Variants in MRGPRX3 observed in about 807,000 individuals in gnomAD.
MRGPRX3 encodes the protein MAS related GPR family member X3.
MRGPRX3 carries 14 observed loss-of-function variants against 16.5 expected under a neutral mutation model. The observed-to-expected ratio is 0.85, with a 90% CI of 0.56 to 1.33. The LOEUF (loss-of-function observed/expected upper bound fraction) is 1.33. MRGPRX3 is among the 40% of genes most tolerant of loss of function. MRGPRX3 has a pLI of 0.00. For synonymous variants in MRGPRX3, 199 were observed against 180.1 expected (o/e 1.10, Z -0.84); for missense variants, 449 against 413.0 (o/e 1.09, Z -0.76).
In MRGPRX3 at chr11:18,137,459, G is replaced by GC. The variant is rs1482636121; in HGVS notation, c.259dup (p.Leu87ProfsTer76). On this transcript the variant is annotated frameshift_variant, in exon 2 of 2. Coordinates refer to ENST00000621697, the MANE Select transcript of MRGPRX3 (RefSeq NM_001370464.1). LOFTEE classifies it high-confidence loss of function. ...GGCCACATTATATGTTCGCCGTTACGCCTCATCAATATCCGCCATCCCATC... is the reference window on the plus strand; with the variant it reads ...GGCCACATTATATGTTCGCCGTTACGCCCTCATCAATATCCGCCATCCCATC... The GC allele has an allele frequency of 1.2e-6, 2 of 1,614,126 alleles. No homozygotes were observed. The highest frequency in any genetic ancestry group is 1.7e-5 in the Admixed American group (1 of 60,020).
chr11:18,135,473 A>C (rs750280625), intron 1 of MRGPRX3, among the ~76,000 whole-genome samples: 1 of 152,144 alleles, frequency 6.6e-6, no homozygotes, highest in African/African-American at 2.4e-5. Context: ...ATGCTCCTCT[A>C]TACTCCCAGA....
chr11:18,125,010 T>A (rs1332365832), intron 1 of MRGPRX3, among the ~76,000 whole-genome samples: 1 of 152,246 alleles, frequency 6.6e-6, no homozygotes, highest in Non-Finnish European at 1.5e-5. Context: ...TGGTAGTTTG[T>A]ATTTCTGTGG....
Position 18,137,446 on chromosome 11 carries a change from T to C in MRGPRX3, c.244T>C (p.Cys82Arg), listed in dbSNP as rs12291017. 0.17 allele frequency: 281,091 copies of C among 1,614,012 alleles called. 29,863 individuals carry two copies. The highest frequency in any genetic ancestry group is 0.5 in the African/African-American group (37,239 of 74,940). Residue 82 changes from cysteine to arginine, a missense_variant, in exon 2 of 2, where the codon TGT (cysteine) becomes CGT (arginine). Cys to Arg is a radical substitution (Grantham distance 180). Coordinates refer to ENST00000621697, the MANE Select transcript of MRGPRX3 (RefSeq NM_001370464.1). ...CCTCTTCCTTAGCGGCCACATTATA[T>C]GTTCGCCGTTACGCCTCATCAATAT... The part of the protein sequence containing the change: ...DFLFLSGHII[C>R]SPLRLINIRH...
chr11:18,131,899 C>T (rs1163534777), upstream of MRGPRX3, among the ~76,000 whole-genome samples: 1 of 151,808 alleles, frequency 6.6e-6, no homozygotes, highest in African/African-American at 2.4e-5. Context: ...ACTCTGGGGA[C>T]TTGAGGGGAA....
chr11:18,128,528 TA>T, upstream of MRGPRX3, among the ~76,000 whole-genome samples: 2 of 152,198 alleles, frequency 1.3e-5, no homozygotes, highest in African/African-American at 2.4e-5. Context: ...GATCTCAGAC[TA>T]CTGTGCTAGC....
chr11:18,125,296 G>A (rs919984453), intron 1 of MRGPRX3, among the ~76,000 whole-genome samples: 4 of 152,034 alleles, frequency 2.6e-5, no homozygotes, highest in African/African-American at 9.7e-5. Flanking sequence ...GTCAATTTTA[G>A]ATCTTTCCTG....
In MRGPRX3 at chr11:18,138,312, A is replaced by T; in HGVS notation, c.*141A>T. 7.4e-7 allele frequency: 1 copy of T among 1,352,070 alleles called. No homozygotes were observed. Among genetic ancestry groups the T allele is most frequent in the Non-Finnish European group, 1.0e-6 (1 of 997,952 alleles). The allele number at this position is 1,352,070 out of a possible 1,614,324, so 83.8% of individuals were successfully genotyped here. A position where few individuals can be genotyped will look rare whatever the true frequency, so the allele number is the denominator to read the frequency against. On this transcript the variant is annotated 3_prime_UTR_variant, in exon 2 of 2. Coordinates refer to ENST00000621697, the MANE Select transcript of MRGPRX3 (RefSeq NM_001370464.1). Reference sequence around the variant, plus strand: ...AAGGTCTTCGAATAGATGTTTATCTAACCTGACAGTTGCAGTTTTCACCCA... The same window carrying T: ...AAGGTCTTCGAATAGATGTTTATCTTACCTGACAGTTGCAGTTTTCACCCA...
At chr11:18,133,631 C>T (rs909164904) in intron 1 of MRGPRX3, among the ~76,000 whole-genome samples, 1 of 152,164 alleles carries the variant, frequency 6.6e-6, no homozygotes, top group Non-Finnish European at 1.5e-5. Flanking sequence ...TGAGACGCCT[C>T]GCTCCCCCTT....
upstream of MRGPRX3, among the ~76,000 whole-genome samples, chr11:18,131,874 A>G (rs1848963335): frequency 6.6e-6 from 1 of 152,132 alleles, no homozygotes; most frequent in African/African-American, 2.4e-5. Context: ...ACGAAGGCAT[A>G]GAATGATATA....
intron 1 of MRGPRX3, among the ~76,000 whole-genome samples, chr11:18,123,902 A>G (rs976315234): frequency 2.0e-5 from 3 of 152,162 alleles, no homozygotes; most frequent in African/African-American, 7.2e-5. Context: ...GAGGTCCCTC[A>G]CATCCCTTGT....
intron 1 of MRGPRX3, among the ~76,000 whole-genome samples, chr11:18,126,420 G>T (rs910538875): frequency 7.9e-5 from 12 of 152,092 alleles, no homozygotes; most frequent in African/African-American, 2.7e-4. Flanking sequence ...TTGCTTGTCT[G>T]TAAAGGATTT....
At chr11:18,136,203 C>T (rs1286109125) in intron 1 of MRGPRX3, among the ~76,000 whole-genome samples, 1 of 152,130 alleles carries the variant, frequency 6.6e-6, no homozygotes, top group South Asian at 2.1e-4. Flanking sequence ...ACTTAGTAGT[C>T]CCCCATACAT....
At chr11:18,122,285 G>C (rs761887407) in intron 1 of MRGPRX3, among the ~76,000 whole-genome samples, 41 of 152,112 alleles carry the variant, frequency 2.7e-4, no homozygotes, top group Non-Finnish European at 5.3e-4. Context: ...CATGTGCCAT[G>C]CTGGTTTGCT....
At chr11:18,122,686 C>T (rs1242068115) in intron 1 of MRGPRX3, among the ~76,000 whole-genome samples, 1 of 152,088 alleles carries the variant, frequency 6.6e-6, no homozygotes, top group Non-Finnish European at 1.5e-5. Flanking sequence ...ATTTATAATC[C>T]TTTGGGTATA....
chr11:18,137,013 G>C (rs1399885644), intron 1 of MRGPRX3, among the ~76,000 whole-genome samples, 165 bp from the exon 2 acceptor site: 7 of 152,134 alleles, frequency 4.6e-5, no homozygotes, highest in African/African-American at 1.4e-4. Flanking sequence ...ACAAGAACTG[G>C]ATTTCAAACT....
At chr11:18,124,025 T>C (rs1848866574) in intron 1 of MRGPRX3, among the ~76,000 whole-genome samples, 1 of 152,238 alleles carries the variant, frequency 6.6e-6, no homozygotes, top group Non-Finnish European at 1.5e-5. Context: ...TCTTGATTTT[T>C]GCACATTGAT....
At chr11:18,133,405 G>A (rs559626008) in intron 1 of MRGPRX3, among the ~76,000 whole-genome samples, 2 of 152,188 alleles carry the variant, frequency 1.3e-5, no homozygotes, top group African/African-American at 4.8e-5. Context: ...TTGGATCTGT[G>A]TTCCCACCAA....
intron 1 of MRGPRX3, among the ~76,000 whole-genome samples, chr11:18,136,351 C>G (rs1455086490): frequency 6.6e-6 from 1 of 152,162 alleles, no homozygotes; most frequent in Non-Finnish European, 1.5e-5. Context: ...TCTAGGGGTT[C>G]GGCAAAGCCA....
chr11:18,124,653 T>C (rs1848872946), intron 1 of MRGPRX3, among the ~76,000 whole-genome samples: 1 of 152,216 alleles, frequency 6.6e-6, no homozygotes, highest in Non-Finnish European at 1.5e-5. Flanking sequence ...AATTCTCTTT[T>C]TTTGTTGTGT....
Sources: gnomAD v4.1 joint callset for allele counts (sites outside exome capture counted in the v4.1 genomes callset) on GRCh38, gnomAD v4.1.1 for gene constraint, MANE v1.5 for transcripts, NCBI Gene and HGNC (gene_info 2026-07-23, HGNC 2026-07-21) for gene names.